The following SFTPD variants were observed in gnomAD, a reference collection of about 807,000 sequenced individuals.
The protein encoded by SFTPD is surfactant protein D.
Under a neutral mutation model 34.6 loss-of-function variants are expected in SFTPD, and 18 were observed. The observed-to-expected ratio is 0.52, with a 90% CI of 0.36 to 0.77. The LOEUF is 0.77. Ranked by LOEUF, SFTPD falls within the 30% of genes least tolerant of loss-of-function variation. SFTPD has a pLI of 0.00. For missense variants in SFTPD, 433 were observed against 468.9 expected, an observed-to-expected ratio of 0.92 and a Z score of 0.71; for synonymous variants, 155 against 180.9, an observed-to-expected ratio of 0.86 and a Z score of 1.15.
chr10:79,948,734 C>A (rs772283328), intron 1 of SFTPD, among the ~76,000 whole-genome samples: 6 of 152,154 alleles, frequency 3.9e-5, no homozygotes, highest in Non-Finnish European at 5.9e-5. Flanking sequence ...GAAATCAGTG[C>A]AGAAAAGAGC....
upstream of SFTPD, among the ~76,000 whole-genome samples, chr10:79,951,779 T>C (rs1055912541): frequency 1.3e-5 from 2 of 152,184 alleles, no homozygotes; most frequent in African/African-American, 4.8e-5. Flanking sequence ...GTGGATGGCC[T>C]GATTCCCTGA....
At chr10:79,951,077 T>C (rs1842707313), upstream of SFTPD, 1 of 152,100 alleles carries the variant, frequency 6.6e-6, no homozygotes, top group Non-Finnish European at 1.5e-5. Flanking sequence ...TTGTAAATTT[T>C]TCATTAATAT....
intron 7 of SFTPD, among the ~76,000 whole-genome samples, chr10:79,939,173 C>G (rs1232923682): frequency 1.3e-5 from 2 of 152,242 alleles, no homozygotes; most frequent in Non-Finnish European, 2.9e-5. Context: ...TTCACAAAAG[C>G]ATTGCCTGTG....
chr10:79,971,015 T>A (rs1842831697), intron 1 of SFTPD: 1 of 152,188 alleles, frequency 6.6e-6, no homozygotes, highest in Non-Finnish European at 1.5e-5. Context: ...TTATATGTAG[T>A]CTTTATTGCA....
chr10:79,947,735 G>T (rs1292829257), intron 1 of SFTPD, among the ~76,000 whole-genome samples: 5 of 152,148 alleles, frequency 3.3e-5, no homozygotes, highest in Admixed American at 3.3e-4. Context: ...TGCCAGGTAG[G>T]CTCAGTCAGG....
intron 1 of SFTPD, among the ~76,000 whole-genome samples, chr10:79,962,304 A>T (rs200375530): frequency 0.15 from 22,152 of 151,862 alleles, 2,029 homozygotes; most frequent in East Asian, 0.41. Context: ...ATAATAATTA[A>T]AAAAAATCAC....
chr10:79,966,926 A>C (rs1842806081), intron 1 of SFTPD, among the ~76,000 whole-genome samples: 1 of 147,500 alleles, frequency 6.8e-6, no homozygotes, highest in Admixed American at 6.7e-5. Flanking sequence ...GCTCCTATTC[A>C]ACATAGTGTT....
At chr10:79,974,261 G>A (rs1842851775) in intron 1 of SFTPD, among the ~76,000 whole-genome samples, 1 of 152,048 alleles carries the variant, frequency 6.6e-6, no homozygotes, top group Non-Finnish European at 1.5e-5. Flanking sequence ...TCTGCCTCCT[G>A]AGTTGACGCC....
At chr10:79,954,004 G>GT (rs71034262), upstream of SFTPD, among the ~76,000 whole-genome samples, 292 of 145,010 alleles carry the variant, frequency 2.0e-3, 2 homozygotes, top group Non-Finnish European at 3.3e-3. Context: ...ATTTTTGTGG[G>GT]TTTTTTTTTT....
At chr10:79,978,558 G>A (rs2132528827) in intron 1 of SFTPD, among the ~76,000 whole-genome samples, 1 of 150,592 alleles carries the variant, frequency 6.6e-6, no homozygotes, top group East Asian at 2.0e-4. Context: ...AGGCTGAGGT[G>A]GGAGGATCAC....
chr10:79,978,543 T>C (rs1842874339), intron 1 of SFTPD, among the ~76,000 whole-genome samples: 1 of 150,082 alleles, frequency 6.7e-6, no homozygotes, highest in African/African-American at 2.5e-5. Flanking sequence ...TCTCAGCTAC[T>C]TGGGAGGCTG....
At chr10:79,939,156 G>A (rs986316405) in intron 7 of SFTPD, among the ~76,000 whole-genome samples, 4 of 152,206 alleles carry the variant, frequency 2.6e-5, no homozygotes, top group Non-Finnish European at 5.9e-5. Flanking sequence ...CTAAAATGAG[G>A]GCTCACTTCA....
rs772515944 is a variant in SFTPD at position 79,940,758 on chromosome 10, G to T, written c.698C>A (p.Ala233Asp). 1 of 1,612,012 alleles carries T rather than the reference G, an allele frequency of 6.2e-7. No individual in the cohort carries two copies. Among genetic ancestry groups the T allele is most frequent in the Non-Finnish European group, 8.5e-7 (1 of 1,178,272 alleles). Residue 233 changes from alanine (A) to aspartate (D), a missense_variant, in exon 7 of 8, where the codon GCC (alanine) becomes GAC (aspartate). By Grantham distance (126) the Ala-to-Asp change is moderately radical. Coordinates refer to ENST00000372292, the MANE Select transcript of SFTPD (RefSeq NM_003019.5). ...GAGGTGCTGTACTTGTCCCTGTAAG[G>T]CCTCAACCTGCTGCCTCAGAGAAGC... is the stretch of plus-strand genomic sequence containing the variant. ...DVASLRQQVE[A>D]LQGQVQHLQA...
intron 7 of SFTPD, 45 bp downstream of exon 7, chr10:79,940,660 G>A (rs1842601535): frequency 2.4e-6 from 3 of 1,260,642 alleles, no homozygotes; most frequent in East Asian, 4.7e-5. Context: ...TCTAGTGTGG[G>A]GCCCAATGCC....
chr10:79,969,658 T>C (rs904414693), intron 1 of SFTPD: 1 of 152,194 alleles, frequency 6.6e-6, no homozygotes, highest in Non-Finnish European at 1.5e-5. Flanking sequence ...ATTACTGATA[T>C]AGAATTTTTT....
chr10:79,946,780 A>G, intron 1 of SFTPD, 118 bp from the exon 2 acceptor site: 3 of 897,106 alleles, frequency 3.3e-6, no homozygotes, highest in Middle Eastern at 3.2e-4. Context: ...GTCCTCTGCT[A>G]TGGGGCCTAG....
intron 7 of SFTPD, 111 bp from the exon 8 acceptor site, chr10:79,938,339 C>A (rs12241521): frequency 0.077 from 74,810 of 965,712 alleles, 4,255 homozygotes; most frequent in African/African-American, 0.24. Context: ...CAAACAGGCA[C>A]CGCATCAGGA....
At chr10:79,977,452 A>C (rs560940177) in intron 1 of SFTPD, among the ~76,000 whole-genome samples, 37 of 152,080 alleles carry the variant, frequency 2.4e-4, no homozygotes, top group African/African-American at 8.9e-4. Flanking sequence ...CTGATACTCA[A>C]TCATAAACAA....
rs530926241 is a variant in SFTPD at position 79,939,466 on chromosome 10, A to C, written c.752-1238T>G. Among the ~76,000 whole-genome samples, 5 of 152,374 alleles carry C rather than the reference A, an allele frequency of 3.3e-5. No homozygotes were observed. The South Asian group carries it at 1.0e-3, about 32-fold the overall frequency. On this transcript the variant is annotated intron_variant, in intron 7 of 7. Transcript: ENST00000372292. Reference sequence around the variant, plus strand: ...TGGGCATGCCTTTGAATATATGTGCATCTACCCAAAGGTACGTGGGAGTAT... The same window carrying C: ...TGGGCATGCCTTTGAATATATGTGCCTCTACCCAAAGGTACGTGGGAGTAT...
Sources: gnomAD v4.1 joint callset for allele counts (sites outside exome capture counted in the v4.1 genomes callset) on GRCh38, gnomAD v4.1.1 for gene constraint, MANE v1.5 for transcripts, NCBI Gene and HGNC (gene_info 2026-07-23, HGNC 2026-07-21) for gene names.